The following THSD4 variants were observed in gnomAD, a reference collection of about 807,000 sequenced individuals.
THSD4 encodes thrombospondin type-1 domain-containing protein 4.
A neutral mutation model predicts 119.0 loss-of-function variants in THSD4; 69 were observed. The observed-to-expected ratio is 0.58, with a 90% CI of 0.48 to 0.71. THSD4 has a LOEUF of 0.71. Among genes scored for constraint, THSD4 ranks in the 30% least tolerant of loss-of-function variants. The probability of loss-of-function intolerance (pLI) is 0.00; values close to 1 mark genes in which losing one functional copy is unlikely to be tolerated. For missense variants in THSD4, 1,393 were observed against 1,391.1 expected, an observed-to-expected ratio of 1.00 and a Z score of -0.02; for synonymous variants, 524 against 540.4, an observed-to-expected ratio of 0.97 and a Z score of 0.42.
intron 6 of THSD4, among the ~76,000 whole-genome samples, chr15:71,327,929 A>C (rs1311961419): frequency 6.6e-6 from 1 of 152,182 alleles, no homozygotes; most frequent in Non-Finnish European, 1.5e-5. Context: ...TCTGTGCAAG[A>C]ATGGTGATTT....
intron 6 of THSD4, among the ~76,000 whole-genome samples, chr15:71,350,601 C>T (rs1437007074): frequency 6.6e-6 from 1 of 152,134 alleles, no homozygotes; most frequent in Non-Finnish European, 1.5e-5. Flanking sequence ...AATCTCCCAA[C>T]ATAGCCCTTT....
intron 2 of THSD4, 147 bp downstream of exon 2, chr15:71,141,703 T>A: frequency 1.0e-6 from 1 of 1,002,240 alleles, no homozygotes; most frequent in South Asian, 1.7e-5. Flanking sequence ...TGTAAAAGTT[T>A]GCTATTCAGA....
chr15:71,719,269 A>G (rs1044386128), intron 8 of THSD4, among the ~76,000 whole-genome samples: 4 of 152,376 alleles, frequency 2.6e-5, no homozygotes, highest in Middle Eastern at 3.4e-3. Context: ...TCTGATTTTC[A>G]GTCCAAATGT....
At chr15:71,325,062 T>TGG (rs1567196022) in intron 6 of THSD4, among the ~76,000 whole-genome samples, 16 of 152,318 alleles carry the variant, frequency 1.1e-4, no homozygotes, top group Non-Finnish European at 1.8e-4. Context: ...TGATTAGTGA[T>TGG]GTAGAGCATT....
chr15:71,557,912 A>G (rs1384489706), intron 7 of THSD4, among the ~76,000 whole-genome samples: 1 of 152,198 alleles, frequency 6.6e-6, no homozygotes, highest in African/African-American at 2.4e-5. Flanking sequence ...TCTTCATAAA[A>G]AAATCAACTT....
chr15:71,771,946 A>G (rs1329510333), intron 17 of THSD4, among the ~76,000 whole-genome samples: 1 of 152,196 alleles, frequency 6.6e-6, no homozygotes, highest in Non-Finnish European at 1.5e-5. Context: ...CACCTCGCAC[A>G]TAGATTGGGC....
At chr15:71,260,755 A>T (rs189186681) in intron 6 of THSD4, among the ~76,000 whole-genome samples, 3 of 151,592 alleles carry the variant, frequency 2.0e-5, no homozygotes, top group Admixed American at 2.0e-4. Context: ...ACTGGGAGGG[A>T]CTCTCTCACC....
rs534956659 is a variant in THSD4 at position 71,415,266 on chromosome 15, C to G, written c.1152+3443C>G. Among the ~76,000 whole-genome samples the G allele has an allele frequency of 1.5e-4, 23 of 152,338 alleles. No individual in the cohort carries two copies. In the South Asian group the frequency reaches 4.8e-3, roughly 32 times the overall value. On this transcript the variant is annotated intron_variant, in intron 7 of 17. Coordinates refer to ENST00000261862, the MANE Select transcript of THSD4 (RefSeq NM_024817.3). ...GTCCTCATGAGAGGAGGGCACTGTC[C>G]TCACATCAAGCCAAGTAAAGGCCGC...
chr15:71,400,488 T>G (rs758676670), intron 6 of THSD4, among the ~76,000 whole-genome samples: 95 of 152,268 alleles, frequency 6.2e-4, no homozygotes, highest in Non-Finnish European at 1.1e-3. Context: ...AGTCCAGAAT[T>G]TGGAATCCAA....
At chr15:71,413,752 G>T (rs899261696) in intron 7 of THSD4, among the ~76,000 whole-genome samples, 5 of 152,188 alleles carry the variant, frequency 3.3e-5, no homozygotes, top group African/African-American at 9.7e-5. Context: ...TACAGAAGAG[G>T]CAGGAAACAT....
chr15:71,467,761 C>T (rs2047519952), intron 7 of THSD4, among the ~76,000 whole-genome samples: 1 of 151,904 alleles, frequency 6.6e-6, no homozygotes, highest in Admixed American at 6.6e-5. Context: ...TGGGAGGGAC[C>T]TGGTGGGGAG....
intron 8 of THSD4, among the ~76,000 whole-genome samples, chr15:71,722,209 G>C (rs2052736173): frequency 6.6e-6 from 1 of 152,168 alleles, no homozygotes; most frequent in African/African-American, 2.4e-5. Flanking sequence ...AGCTGTTTTT[G>C]ATATGCAAGG....
At chr15:71,599,407 C>T (rs1181273463) in intron 7 of THSD4, among the ~76,000 whole-genome samples, 1 of 152,170 alleles carries the variant, frequency 6.6e-6, no homozygotes, top group African/African-American at 2.4e-5. Flanking sequence ...GTCACATACT[C>T]ATGAGCCCCT....
intron 1 of THSD4, among the ~76,000 whole-genome samples, chr15:71,128,645 C>A (rs1011644716): frequency 6.6e-6 from 1 of 152,028 alleles, no homozygotes; most frequent in South Asian, 2.1e-4. Flanking sequence ...GAAAACTTCC[C>A]AAATTGAGCA....
At chr15:71,117,918 C>G (rs1241567495) in intron 1 of THSD4, among the ~76,000 whole-genome samples, 1 of 152,070 alleles carries the variant, frequency 6.6e-6, no homozygotes, top group Admixed American at 6.6e-5. Context: ...AGTCCACAGG[C>G]TAGCAGATGA....
At chr15:71,556,893 C>A in intron 7 of THSD4, among the ~76,000 whole-genome samples, 1 of 151,826 alleles carries the variant, frequency 6.6e-6, no homozygotes, top group East Asian at 1.9e-4. Flanking sequence ...TGAATAATGG[C>A]CATTTTGGCT....
chr15:71,429,423 T>C (rs1566979389), intron 7 of THSD4, among the ~76,000 whole-genome samples: 1 of 152,188 alleles, frequency 6.6e-6, no homozygotes, highest in Non-Finnish European at 1.5e-5. Context: ...AAGACAGTGG[T>C]TTGTGACAAA....
chr15:71,429,481 GAGTTA>G (rs1227263425), intron 7 of THSD4, among the ~76,000 whole-genome samples: 2 of 152,198 alleles, frequency 1.3e-5, no homozygotes, highest in Non-Finnish European at 2.9e-5. Flanking sequence ...TCCTCAATAT[GAGTTA>G]AGTTAATGAA....
intron 7 of THSD4, among the ~76,000 whole-genome samples, chr15:71,655,962 G>A (rs1195470635): frequency 1.3e-5 from 2 of 152,218 alleles, no homozygotes; most frequent in Non-Finnish European, 2.9e-5. Flanking sequence ...CACACAACAA[G>A]CCAGGGACTG....
Sources: gnomAD v4.1 joint callset for allele counts (sites outside exome capture counted in the v4.1 genomes callset) on GRCh38, gnomAD v4.1.1 for gene constraint, MANE v1.5 for transcripts, NCBI Gene and HGNC (gene_info 2026-07-23, HGNC 2026-07-21) for gene names.